The following GLI2 variants were observed in gnomAD, a reference collection of about 807,000 sequenced individuals.
GLI2 encodes transcription activator GLI2.
Under a neutral mutation model 78.9 loss-of-function variants are expected in GLI2, and 22 were observed. That is an observed-to-expected ratio of 0.28 (90% CI 0.20 to 0.40). GLI2 has a LOEUF of 0.40. Among genes scored for constraint, GLI2 ranks in the 10% least tolerant of loss-of-function variants. GLI2 has a pLI of 1.00. For missense variants in GLI2, 2,097 were observed against 2,213.2 expected (o/e 0.95, Z 1.05); for synonymous variants, 974 against 963.7 (o/e 1.01, Z -0.20).
chr2:120,834,864 G>T (rs992385878), intron 2 of GLI2, among the ~76,000 whole-genome samples: 1 of 152,104 alleles, frequency 6.6e-6, no homozygotes, highest in Non-Finnish European at 1.5e-5. Flanking sequence ...GAGGTCGTGT[G>T]TAAGGACCTT....
chr2:120,746,123 A>T (rs191341708), intron 1 of GLI2, among the ~76,000 whole-genome samples: 1 of 152,178 alleles, frequency 6.6e-6, no homozygotes, highest in South Asian at 2.1e-4. Context: ...CTTCAGTGCC[A>T]TCTCTCTCCG....
intron 2 of GLI2, among the ~76,000 whole-genome samples, chr2:120,804,751 AC>A (rs906774870): frequency 6.6e-6 from 1 of 152,190 alleles, no homozygotes; most frequent in Non-Finnish European, 1.5e-5. Context: ...AGCCTGGTTC[AC>A]CCAGGAAGCG....
At chr2:120,775,301 C>T (rs1373783416) in intron 1 of GLI2, among the ~76,000 whole-genome samples, 1 of 152,208 alleles carries the variant, frequency 6.6e-6, no homozygotes, top group Non-Finnish European at 1.5e-5. Flanking sequence ...ACAGCTATTG[C>T]TAATTAATTT....
intron 2 of GLI2, among the ~76,000 whole-genome samples, chr2:120,824,257 G>A (rs1389176891): frequency 6.6e-6 from 1 of 152,180 alleles, no homozygotes; most frequent in Non-Finnish European, 1.5e-5. Flanking sequence ...GGTAAGTAGG[G>A]GGATAGAGAG....
intron 2 of GLI2, among the ~76,000 whole-genome samples, chr2:120,882,957 C>T (rs867762030): frequency 2.6e-5 from 4 of 152,116 alleles, no homozygotes; most frequent in South Asian, 4.1e-4. Flanking sequence ...CTCCCCAGAG[C>T]GGGCATCCTG....
intron 1 of GLI2, among the ~76,000 whole-genome samples, chr2:120,784,469 G>A (rs1683937754): frequency 6.6e-6 from 1 of 152,008 alleles, no homozygotes; most frequent in African/African-American, 2.4e-5. Flanking sequence ...AACATAAAGG[G>A]CGAGTCCTGA....
Position 120,972,048 on chromosome 2 carries a change from T to C in GLI2, c.1167T>C (p.Pro389=). The change falls in exon 8 of 14, where the codon CCT becomes CCC. Residue 389 remains proline (P), a synonymous_variant. Transcript: ENST00000361492. The stretch of plus-strand genomic sequence containing the variant: ...CTGAGGGCCTGCGGCCGGCCTCCCC[T>C]CTGGCGCTGACGCAGGTAACCTGCT... ...TEPEGLRPAS[P]LALTQEQLAD... 6.2e-7 allele frequency: 1 copy of C among 1,613,266 alleles called. No individual in the cohort carries two copies. The highest frequency in any genetic ancestry group is 8.5e-7 in the Non-Finnish European group (1 of 1,179,952).
At chr2:120,793,219 C>T (rs192880790) in intron 1 of GLI2, among the ~76,000 whole-genome samples, 12 of 152,234 alleles carry the variant, frequency 7.9e-5, no homozygotes, top group African/African-American at 2.9e-4. Context: ...GCTCCCACCC[C>T]CTTAGCAGAA....
chr2:120,847,243 C>T (rs1687162588), intron 2 of GLI2, among the ~76,000 whole-genome samples: 1 of 152,066 alleles, frequency 6.6e-6, no homozygotes, highest in South Asian at 2.1e-4. Context: ...GCTCGTCATC[C>T]TGGGATGGGC....
At chr2:120,790,515 A>G (rs1573380821) in intron 1 of GLI2, among the ~76,000 whole-genome samples, 1 of 152,048 alleles carries the variant, frequency 6.6e-6, no homozygotes, top group Non-Finnish European at 1.5e-5. Context: ...CCCTGGCTGG[A>G]GTGGTGGAAG....
intron 1 of GLI2, among the ~76,000 whole-genome samples, chr2:120,755,150 C>T (rs952218787): frequency 6.6e-6 from 1 of 152,212 alleles, no homozygotes; most frequent in African/African-American, 2.4e-5. Flanking sequence ...CACACACAGC[C>T]TATTTAACTT....
chr2:120,875,095 T>C (rs186836100), intron 2 of GLI2, among the ~76,000 whole-genome samples: 1 of 152,244 alleles, frequency 6.6e-6, no homozygotes, highest in African/African-American at 2.4e-5. Context: ...CTGTGCTGGG[T>C]AAATGGCATC....
chr2:120,793,575 G>A (rs1411179510), intron 1 of GLI2, among the ~76,000 whole-genome samples: 1 of 152,210 alleles, frequency 6.6e-6, no homozygotes, highest in African/African-American at 2.4e-5. Flanking sequence ...TAATTCCTGT[G>A]ATTTACACAG....
chr2:120,755,002 C>T (rs2104637606), intron 1 of GLI2, among the ~76,000 whole-genome samples: 1 of 152,236 alleles, frequency 6.6e-6, no homozygotes, highest in South Asian at 2.1e-4. Flanking sequence ...TAGACGCCCA[C>T]CACCATGCCC....
At chr2:120,944,583 C>A (rs974599237) in intron 3 of GLI2, among the ~76,000 whole-genome samples, 2 of 152,182 alleles carry the variant, frequency 1.3e-5, no homozygotes, top group Non-Finnish European at 2.9e-5. Flanking sequence ...AGGGGACCAC[C>A]AAGCCAACCT....
chr2:120,769,030 C>T lies in GLI2; in HGVS notation c.-30-28261C>T, dbSNP rs139207378. ...GGCTGGCCAGGCCCTATTCCTGTGG[C>T]TTCTCAGTGATGAAGACTTGACAAG... On this transcript the variant is annotated intron_variant, in intron 1 of 13. Transcript: ENST00000361492. 1.8e-3 allele frequency among the ~76,000 whole-genome samples: 279 copies of T among 152,326 alleles called. 3 individuals are homozygous for T. Among genetic ancestry groups the T allele is most frequent in the African/African-American group, 6.6e-3 (273 of 41,586 alleles).
chr2:120,735,925 C>G lies in GLI2; in HGVS notation c.-391C>G, dbSNP rs1243655186. ...AGCCGAGGCAGCACGGCTCCGCGGA[C>G]TTTTTTTCAAACTCCCATCAATGAG... On this transcript the variant is annotated 5_prime_UTR_variant, in exon 1 of 14. Transcript: ENST00000361492. Among the ~76,000 whole-genome samples the G allele has an allele frequency of 6.6e-6, 1 of 151,948 alleles. No homozygotes were observed. The highest frequency in any genetic ancestry group is 1.9e-4 in the East Asian group (1 of 5,152).
At chr2:120,844,884 G>A (rs952598706) in intron 2 of GLI2, among the ~76,000 whole-genome samples, 1 of 152,174 alleles carries the variant, frequency 6.6e-6, no homozygotes, top group African/African-American at 2.4e-5. Flanking sequence ...GTTGCTGCAT[G>A]ATTCCAGGTG....
intron 1 of GLI2, among the ~76,000 whole-genome samples, chr2:120,783,733 C>T (rs1253680112): frequency 6.6e-6 from 1 of 152,160 alleles, no homozygotes; most frequent in South Asian, 2.1e-4. Context: ...TTTCCTCCTC[C>T]TCCTCCCTCC....
Sources: gnomAD v4.1 joint callset for allele counts (sites outside exome capture counted in the v4.1 genomes callset) on GRCh38, gnomAD v4.1.1 for gene constraint, MANE v1.5 for transcripts, NCBI Gene and HGNC (gene_info 2026-07-23, HGNC 2026-07-21) for gene names.